Variants in ZNF420 observed in about 807,000 individuals in gnomAD.
The protein encoded by ZNF420 is zinc finger protein 420.
Under a neutral mutation model 44.7 loss-of-function variants are expected in ZNF420, and 31 were observed. The observed-to-expected ratio is 0.69, with a 90% CI of 0.52 to 0.94. The LOEUF (loss-of-function observed/expected upper bound fraction) is 0.94. Among genes scored for constraint, ZNF420 ranks in the 40% least tolerant of loss-of-function variants. The probability of loss-of-function intolerance (pLI) is 0.00; values close to 1 mark genes in which losing one functional copy is unlikely to be tolerated. For synonymous variants in ZNF420, 245 were observed against 267.4 expected, an observed-to-expected ratio of 0.92 and a Z score of 0.82; for missense variants, 681 against 827.9, an observed-to-expected ratio of 0.82 and a Z score of 2.18.
At chr19:37,068,758 G>C (rs1246581192) in intron 1 of ZNF420, among the ~76,000 whole-genome samples, 1 of 152,082 alleles carries the variant, frequency 6.6e-6, no homozygotes, top group African/African-American at 2.4e-5. Flanking sequence ...CATATAGAAA[G>C]ACTGAAAATG....
At chr19:37,087,513 G>A (rs761695327) in intron 2 of ZNF420, among the ~76,000 whole-genome samples, 24 of 152,130 alleles carry the variant, frequency 1.6e-4, no homozygotes, top group Non-Finnish European at 3.1e-4. Context: ...CAAATTTTCA[G>A]TTAAAAATGT....
intron 1 of ZNF420, among the ~76,000 whole-genome samples, chr19:37,030,451 G>A (rs1967237733): frequency 6.6e-6 from 1 of 152,180 alleles, no homozygotes; most frequent in African/African-American, 2.4e-5. Context: ...GTGACCCACT[G>A]CATCCGGCCT....
intron 1 of ZNF420, among the ~76,000 whole-genome samples, chr19:37,079,405 G>A (rs978902433): frequency 6.6e-6 from 1 of 152,178 alleles, no homozygotes; most frequent in Non-Finnish European, 1.5e-5. Flanking sequence ...TGAGTCCCAT[G>A]TGGCTCTGTG....
intron 2 of ZNF420, among the ~76,000 whole-genome samples, chr19:37,087,265 AGAGT>A (rs1402749938): frequency 7.0e-6 from 1 of 143,444 alleles, no homozygotes; most frequent in African/African-American, 2.6e-5. Flanking sequence ...AGCTTGGTTG[AGAGT>A]GAGACCCTGT....
intron 1 of ZNF420, among the ~76,000 whole-genome samples, chr19:37,059,270 G>A (rs1967822357): frequency 6.6e-6 from 1 of 150,816 alleles, no homozygotes; most frequent in Non-Finnish European, 1.5e-5. Flanking sequence ...CGCGGCTGCA[G>A]CAGGAGCTTC....
At chr19:37,050,835 A>G (rs1182779239) in intron 1 of ZNF420, among the ~76,000 whole-genome samples, 2 of 152,136 alleles carry the variant, frequency 1.3e-5, no homozygotes, top group East Asian at 1.9e-4. Flanking sequence ...ATTCAGTATG[A>G]TATTGGCTGT....
At chr19:37,092,539 C>T (rs1178147524) in intron 4 of ZNF420, 1 of 151,988 alleles carries the variant, frequency 6.6e-6, no homozygotes, top group Non-Finnish European at 1.5e-5. Context: ...ATGGAGAAAC[C>T]CCGTCTCTAC....
chr19:37,016,588 C>CA (rs770382485), intron 1 of ZNF420, among the ~76,000 whole-genome samples: 23 of 152,146 alleles, frequency 1.5e-4, no homozygotes, highest in Non-Finnish European at 3.4e-4. Flanking sequence ...CTTTGAGACA[C>CA]ACTCTCAACC....
intron 1 of ZNF420, among the ~76,000 whole-genome samples, chr19:37,013,964 G>C (rs1400680214): frequency 6.6e-6 from 1 of 152,202 alleles, no homozygotes; most frequent in African/African-American, 2.4e-5. Flanking sequence ...TGACAGTGAT[G>C]TCCTGGCATG....
At chr19:37,055,950 C>G (rs1357668091) in intron 1 of ZNF420, among the ~76,000 whole-genome samples, 4 of 152,182 alleles carry the variant, frequency 2.6e-5, no homozygotes, top group Non-Finnish European at 5.9e-5. Flanking sequence ...GGACTACTCT[C>G]TAAACCGATG....
chr19:37,107,085 C>G (rs191181839), intron 4 of ZNF420: 2 of 152,226 alleles, frequency 1.3e-5, no homozygotes, highest in African/African-American at 4.8e-5. Flanking sequence ...TGCCCAGGGA[C>G]GAGCAGGAGA....
chr19:37,115,709 T>C (rs1179288660), intron 4 of ZNF420, among the ~76,000 whole-genome samples: 2 of 151,924 alleles, frequency 1.3e-5, no homozygotes, highest in Admixed American at 6.6e-5. Flanking sequence ...CAGAGAGGCC[T>C]TCCTCTTTTA....
At chr19:37,048,874 A>T (rs1268362364) in intron 1 of ZNF420, among the ~76,000 whole-genome samples, 1 of 27,200 alleles carries the variant, frequency 3.7e-5, no homozygotes, top group Non-Finnish European at 7.6e-5. Context: ...CCCCTCCCCC[A>T]CCCCACAACA....
intron 4 of ZNF420, among the ~76,000 whole-genome samples, chr19:37,121,030 A>G (rs79824920): frequency 0.52 from 76,491 of 148,190 alleles, 20,365 homozygotes; most frequent in African/African-American, 0.62. Flanking sequence ...AATCAATATC[A>G]TGAAAATGGC....
chr19:37,095,885 TA>T (rs2146567836), intron 4 of ZNF420: 2 of 152,290 alleles, frequency 1.3e-5, no homozygotes, highest in South Asian at 2.1e-4. Context: ...AAGTGTGAGC[TA>T]CCACCCCCGG....
chr19:37,042,157 C>A (rs577011894), intron 1 of ZNF420, among the ~76,000 whole-genome samples: 3 of 152,286 alleles, frequency 2.0e-5, no homozygotes, highest in South Asian at 4.1e-4. Flanking sequence ...CACCATCATG[C>A]CTGGCTAATT....
intron 1 of ZNF420, among the ~76,000 whole-genome samples, chr19:37,079,612 T>A (rs1266826613): frequency 6.6e-6 from 1 of 152,102 alleles, no homozygotes; most frequent in African/African-American, 2.4e-5. Context: ...TGCAGGGAAG[T>A]GGCAAGAAGT....
intron 1 of ZNF420, among the ~76,000 whole-genome samples, chr19:37,009,883 C>T (rs2146365196): frequency 6.6e-6 from 1 of 152,244 alleles, no homozygotes; most frequent in African/African-American, 2.4e-5. Context: ...TCAAGGAGGC[C>T]CTGAGGACAG....
chr19:37,101,743 G>T (rs1477301224), intron 4 of ZNF420, among the ~76,000 whole-genome samples: 1 of 152,244 alleles, frequency 6.6e-6, no homozygotes, highest in Non-Finnish European at 1.5e-5. Context: ...AAGGATACTG[G>T]TGCTGTATGG....
Sources: allele counts gnomAD v4.1 joint callset (sites outside exome capture counted in the v4.1 genomes callset), GRCh38; gene constraint gnomAD v4.1.1; transcripts MANE v1.5; gene names NCBI Gene and HGNC (gene_info 2026-07-23, HGNC 2026-07-21).